TYR: variants seen among roughly 807,000 people sequenced by gnomAD.
TYR encodes the protein tyrosinase, also known as LB24-AB.
Under a neutral mutation model 51.5 loss-of-function variants are expected in TYR, and 58 were observed. The ratio of observed to expected loss-of-function variants is 1.13; its 90% confidence interval spans 0.91 to 1.40. TYR has a LOEUF of 1.40. TYR is among the 40% of genes most tolerant of loss of function. The probability of loss-of-function intolerance (pLI) is 0.00; values close to 1 mark genes in which losing one functional copy is unlikely to be tolerated. For synonymous variants in TYR, 263 were observed against 235.2 expected, an observed-to-expected ratio of 1.12 and a Z score of -1.08; for missense variants, 732 against 647.4, an observed-to-expected ratio of 1.13 and a Z score of -1.42.
intron 3 of TYR, among the ~76,000 whole-genome samples, chr11:89,234,415 C>G (rs1183594975): frequency 1.4e-5 from 2 of 143,856 alleles, no homozygotes; most frequent in Non-Finnish European, 3.0e-5. Flanking sequence ...TGGAGTAGCA[C>G]TTTGCATTTC....
At chr11:89,294,506 C>A (rs1252685347) in intron 4 of TYR, among the ~76,000 whole-genome samples, 1 of 152,198 alleles carries the variant, frequency 6.6e-6, no homozygotes, top group Middle Eastern at 3.2e-3. Flanking sequence ...GCCCAGAGTG[C>A]GGACGCTCCA....
chr11:89,288,189 C>T lies in TYR; in HGVS notation c.1366+3235C>T, dbSNP rs1944814359. On this transcript the variant is annotated intron_variant, in intron 4 of 4. Coordinates refer to ENST00000263321, the MANE Select transcript of TYR (RefSeq NM_000372.5). Reference sequence around the variant, plus strand: ...GGCCCTCAGATCCTAATGCGAGAGACATCAGCATATAAATTATTGACTCAG... The same window carrying T: ...GGCCCTCAGATCCTAATGCGAGAGATATCAGCATATAAATTATTGACTCAG... Among the ~76,000 whole-genome samples, 3 of 151,926 alleles carry T rather than the reference C, an allele frequency of 2.0e-5. 1 individual carries two copies. In the South Asian group the frequency reaches 6.2e-4, roughly 31 times the overall value.
intron 4 of TYR, 60 bp from the exon 5 acceptor site, chr11:89,295,083 T>G (rs1944891433): frequency 1.4e-5 from 23 of 1,597,322 alleles, no homozygotes; most frequent in Non-Finnish European, 1.7e-5. Flanking sequence ...AGGATGAAGA[T>G]GATGGTGATC....
At chr11:89,260,224 G>T (rs1944440581) in intron 3 of TYR, among the ~76,000 whole-genome samples, 1 of 148,478 alleles carries the variant, frequency 6.7e-6, no homozygotes, top group South Asian at 2.1e-4. Flanking sequence ...CTTCCATTGA[G>T]AGTAGCCACT....
Position 89,178,002 on chromosome 11 carries a change from G to A in TYR, c.49G>A (p.Ala17Thr), listed in dbSNP as rs765187494. ...YCLLWSFQTS[A>T]GHFPRACVSS... is the part of the protein sequence containing the mutation. The stretch of plus-strand genomic sequence containing the variant: ...CCTGCTGTGGAGTTTCCAGACCTCC[G>A]CTGGCCATTTCCCTAGAGCCTGTGT... The change falls in exon 1 of 5, where the codon GCT (alanine) becomes ACT (threonine). Residue 17 changes from alanine (A) to threonine (T), a missense_variant. Transcript: ENST00000263321. 30 of 1,614,118 alleles carry A rather than the reference G, an allele frequency of 1.9e-5. No individual in the cohort carries two copies. The highest frequency in any genetic ancestry group is 4.5e-5 in the East Asian group (2 of 44,870).
chr11:89,198,431 G>A (rs970136240), intron 2 of TYR, among the ~76,000 whole-genome samples: 2 of 152,050 alleles, frequency 1.3e-5, no homozygotes, highest in African/African-American at 4.8e-5. Context: ...GAGGCAGAAG[G>A]TTTTGAAAGA....
chr11:89,291,445 G>T (rs1298172374), intron 4 of TYR, among the ~76,000 whole-genome samples: 1 of 151,594 alleles, frequency 6.6e-6, no homozygotes, highest in African/African-American at 2.4e-5. Flanking sequence ...GGTACTTTTA[G>T]TAGCATGCTT....
intron 3 of TYR, among the ~76,000 whole-genome samples, chr11:89,273,851 T>G (rs140402270): frequency 6.6e-6 from 1 of 151,780 alleles, no homozygotes; most frequent in African/African-American, 2.4e-5. Flanking sequence ...AATGGCCATC[T>G]TTTTCCTATG....
chr11:89,197,234 TAAC>T (rs1943532108), intron 2 of TYR, among the ~76,000 whole-genome samples: 1 of 152,048 alleles, frequency 6.6e-6, no homozygotes. Context: ...TAGTGGGAAA[TAAC>T]AAGAGATGTA....
chr11:89,273,339 G>A (rs1271673315), intron 3 of TYR, among the ~76,000 whole-genome samples: 7 of 151,788 alleles, frequency 4.6e-5, no homozygotes, highest in Non-Finnish European at 7.4e-5. Context: ...AGAGAATAGG[G>A]AGGCCTGAAG....
At chr11:89,198,750 T>G (rs1224827360) in intron 2 of TYR, among the ~76,000 whole-genome samples, 2 of 144,066 alleles carry the variant, frequency 1.4e-5, no homozygotes, top group African/African-American at 5.8e-5. Flanking sequence ...GGTAACTTTT[T>G]TCTCATATAT....
chr11:89,286,775 A>C (rs1411561675), intron 4 of TYR, among the ~76,000 whole-genome samples: 1 of 151,826 alleles, frequency 6.6e-6, no homozygotes, highest in Non-Finnish European at 1.5e-5. Context: ...GAACAGAGAA[A>C]TTTGCAAAGG....
chr11:89,242,083 T>C (rs1012418881), intron 3 of TYR, among the ~76,000 whole-genome samples: 1 of 152,068 alleles, frequency 6.6e-6, no homozygotes, highest in Non-Finnish European at 1.5e-5. Flanking sequence ...AAGAGTCAGG[T>C]TGGATACACT....
chr11:89,201,314 T>C (rs1037524192), intron 2 of TYR, among the ~76,000 whole-genome samples: 3 of 152,326 alleles, frequency 2.0e-5, no homozygotes, highest in African/African-American at 7.2e-5. Flanking sequence ...CCTGTCTAAA[T>C]AGCCAGTTTA....
chr11:89,267,831 C>T (rs1458072477), intron 3 of TYR, among the ~76,000 whole-genome samples: 1 of 151,182 alleles, frequency 6.6e-6, no homozygotes, highest in East Asian at 2.0e-4. Context: ...TGTGTGTGTG[C>T]AGAATACACA....
In TYR at chr11:89,201,769, A is replaced by C. The variant is rs536416945; in HGVS notation, c.1036+10351A>C. Among the ~76,000 whole-genome samples, 152 of 152,338 alleles carry C rather than the reference A, an allele frequency of 1.0e-3. 1 individual carries two copies. Among genetic ancestry groups the C allele is most frequent in the African/African-American group, 3.5e-3 (145 of 41,580 alleles). Reference sequence around the variant, plus strand: ...GTTTTGACATTGCAAATCCTCTGAAAGAGTTTCAGGGACTTCAAGGGGTCT... The same window carrying C: ...GTTTTGACATTGCAAATCCTCTGAACGAGTTTCAGGGACTTCAAGGGGTCT... On this transcript the variant is annotated intron_variant, in intron 2 of 4. Coordinates refer to ENST00000263321, the MANE Select transcript of TYR (RefSeq NM_000372.5).
At chr11:89,236,131 C>A (rs1944109119) in intron 3 of TYR, among the ~76,000 whole-genome samples, 1 of 151,912 alleles carries the variant, frequency 6.6e-6, no homozygotes, top group Non-Finnish European at 1.5e-5. Flanking sequence ...GTGACCAAGA[C>A]CACGTTGTTT....
At chr11:89,219,217 C>G (rs1473662154) in intron 2 of TYR, among the ~76,000 whole-genome samples, 1 of 150,858 alleles carries the variant, frequency 6.6e-6, no homozygotes, top group Non-Finnish European at 1.5e-5. Flanking sequence ...TCAAACTGGA[C>G]AAAAATTGTT....
chr11:89,224,649 A>G (rs538263151), intron 2 of TYR, among the ~76,000 whole-genome samples: 1 of 152,248 alleles, frequency 6.6e-6, no homozygotes, highest in East Asian at 1.9e-4. Context: ...TCCTTTCAAA[A>G]TCTCCCTTCT....
Sources: gnomAD v4.1 joint callset for allele counts (sites outside exome capture counted in the v4.1 genomes callset) on GRCh38, gnomAD v4.1.1 for gene constraint, MANE v1.5 for transcripts, NCBI Gene and HGNC (gene_info 2026-07-23, HGNC 2026-07-21) for gene names.